The following HLCS variants were observed in gnomAD, a reference collection of about 807,000 sequenced individuals.
HLCS encodes the protein holocarboxylase synthetase.
HLCS carries 53 observed loss-of-function variants against 75.0 expected under a neutral mutation model. The ratio of observed to expected loss-of-function variants is 0.71; its 90% CI spans 0.57 to 0.89. The LOEUF (loss-of-function observed/expected upper bound fraction) is 0.89, where lower values mean the gene tolerates loss of function less well. HLCS is among the 40% of genes least tolerant of loss of function. HLCS has a pLI of 0.00. For missense variants in HLCS, 966 were observed against 1,074.0 expected, an observed-to-expected ratio of 0.90 and a Z score of 1.41; for synonymous variants, 431 against 428.6, an observed-to-expected ratio of 1.01 and a Z score of -0.07.
intron 6 of HLCS, among the ~76,000 whole-genome samples, chr21:36,806,788 T>G (rs2061374329): frequency 6.6e-6 from 1 of 152,180 alleles, no homozygotes; most frequent in African/African-American, 2.4e-5. Context: ...CGAGACAACT[T>G]AAGAAACCCA....
intron 6 of HLCS, among the ~76,000 whole-genome samples, chr21:36,868,347 A>T (rs1431894894): frequency 6.6e-6 from 1 of 151,410 alleles, no homozygotes; most frequent in Non-Finnish European, 1.5e-5. Flanking sequence ...AAAGACTTGA[A>T]AAAGCAGATC....
intron 5 of HLCS, among the ~76,000 whole-genome samples, 155 bp from the exon 6 acceptor site, chr21:36,897,286 G>A (rs917034709): frequency 6.6e-6 from 1 of 152,080 alleles, no homozygotes; most frequent in Non-Finnish European, 1.5e-5. Flanking sequence ...TAAACGATTA[G>A]ACAATATGAT....
intron 6 of HLCS, among the ~76,000 whole-genome samples, chr21:36,789,218 C>A (rs1438019726): frequency 6.6e-6 from 1 of 152,048 alleles, no homozygotes; most frequent in African/African-American, 2.4e-5. Context: ...CCATGCCTGG[C>A]TAATTTTTAA....
chr21:36,833,345 G>C (rs2062282034), intron 6 of HLCS, among the ~76,000 whole-genome samples: 1 of 151,202 alleles, frequency 6.6e-6, no homozygotes, highest in African/African-American at 2.4e-5. Context: ...AGCACTTTGG[G>C]AGGCCAAGGT....
chr21:36,789,254 T>C (rs942744625), intron 6 of HLCS, among the ~76,000 whole-genome samples: 2 of 152,192 alleles, frequency 1.3e-5, no homozygotes, highest in Admixed American at 6.5e-5. Context: ...AGGGTCTTGC[T>C]ATGTTGCCCA....
intron 5 of HLCS, among the ~76,000 whole-genome samples, chr21:36,902,775 A>G (rs376738037): frequency 2.6e-5 from 4 of 152,334 alleles, no homozygotes; most frequent in African/African-American, 9.6e-5. Flanking sequence ...GGGCAGCTGG[A>G]AGCATTTGAG....
At chr21:36,848,905 T>C (rs1217388456) in intron 6 of HLCS, among the ~76,000 whole-genome samples, 1 of 152,022 alleles carries the variant, frequency 6.6e-6, no homozygotes, top group Non-Finnish European at 1.5e-5. Flanking sequence ...TGAGAAGGCT[T>C]CTAAAAATAA....
chr21:36,959,478 T>C (rs2068159131), intron 2 of HLCS, among the ~76,000 whole-genome samples: 1 of 152,150 alleles, frequency 6.6e-6, no homozygotes, highest in African/African-American at 2.4e-5. Flanking sequence ...GACAGGCTCA[T>C]AGGTAGAAAG....
At chr21:36,924,130 C>T (rs1334579857) in intron 5 of HLCS, among the ~76,000 whole-genome samples, 1 of 152,178 alleles carries the variant, frequency 6.6e-6, no homozygotes, top group Non-Finnish European at 1.5e-5. Context: ...ATGCCCAAAG[C>T]TTCGCCCTAT....
At chr21:36,803,603 G>A (rs182934807) in intron 6 of HLCS, among the ~76,000 whole-genome samples, 37 of 152,004 alleles carry the variant, frequency 2.4e-4, no homozygotes, top group African/African-American at 7.5e-4. Context: ...GAAGTATCCC[G>A]CAACTGATTT....
At chr21:36,985,761 G>A (rs950503325) in intron 1 of HLCS, among the ~76,000 whole-genome samples, 1 of 145,342 alleles carries the variant, frequency 6.9e-6, no homozygotes, top group Non-Finnish European at 1.5e-5. Flanking sequence ...GTGAGACTTG[G>A]TCTTGGGGAA....
At chr21:36,888,996 C>G (rs1166400366) in intron 6 of HLCS, among the ~76,000 whole-genome samples, 2 of 152,170 alleles carry the variant, frequency 1.3e-5, no homozygotes, top group Admixed American at 6.5e-5. Flanking sequence ...GTGTACACAA[C>G]TTTACAAACT....
intron 6 of HLCS, among the ~76,000 whole-genome samples, chr21:36,816,415 C>T (rs762266392): frequency 6.6e-5 from 10 of 151,436 alleles, no homozygotes; most frequent in African/African-American, 2.4e-4. Context: ...AAAAATGTGA[C>T]TGTCACTAGG....
At chr21:36,786,540 G>A (rs1048958233) in intron 6 of HLCS, among the ~76,000 whole-genome samples, 37 of 152,098 alleles carry the variant, frequency 2.4e-4, no homozygotes, top group African/African-American at 8.2e-4. Context: ...AGGAAGGGGT[G>A]GAGAAGGAAA....
intron 1 of HLCS, among the ~76,000 whole-genome samples, chr21:36,965,193 C>CTG (rs1320547553): frequency 6.6e-6 from 1 of 152,148 alleles, no homozygotes; most frequent in Admixed American, 6.5e-5. Context: ...ATGTTCAAAC[C>CTG]TGAGATAAGA....
intron 6 of HLCS, among the ~76,000 whole-genome samples, chr21:36,870,359 T>C (rs1300244628): frequency 6.6e-6 from 1 of 152,232 alleles, no homozygotes; most frequent in Non-Finnish European, 1.5e-5. Flanking sequence ...TGATACGGTC[T>C]TAACAGTCAC....
In HLCS at chr21:36,786,044, C is replaced by G. The variant is rs181625178; in HGVS notation, c.1893-18759G>C. ...TGGTGGGATGGGCTGTATCCTCAAC[C>G]CTGTTTCAACAGGGACACTTCTGCT... On this transcript the variant is annotated intron_variant, in intron 6 of 10. Transcript: ENST00000674895. Among the ~76,000 whole-genome samples the G allele has an allele frequency of 4.4e-3, 677 of 152,224 alleles. 5 individuals are homozygous for G. Among genetic ancestry groups the G allele is most frequent in the Non-Finnish European group, 7.3e-3 (494 of 68,008 alleles).
upstream of HLCS, chr21:36,971,623 G>C (rs960998500): frequency 6.6e-6 from 1 of 152,102 alleles, no homozygotes; most frequent in Non-Finnish European, 1.5e-5. Context: ...GAAATCAAGA[G>C]TTCAAGACCA....
Position 36,752,261 on chromosome 21 carries a change from C to T in HLCS, c.*1985G>A, listed in dbSNP as rs2089398019. 1.3e-5 allele frequency: 2 copies of T among 152,638 alleles called. No homozygotes were observed. The highest frequency in any genetic ancestry group is 3.9e-4 in the East Asian group (2 of 5,194). 9.5% of individuals were successfully genotyped at this position (152,638 alleles called of 1,614,324 possible). On this transcript the variant is annotated 3_prime_UTR_variant, in exon 11 of 11. Transcript: ENST00000674895. ...AGTATGCCCGGAACATCTCCATAGC[C>T]TTTGACAAGGCCACACTTCATTAGT...
Sources: gnomAD v4.1 joint callset for allele counts (sites outside exome capture counted in the v4.1 genomes callset) on GRCh38, gnomAD v4.1.1 for gene constraint, MANE v1.5 for transcripts, NCBI Gene and HGNC (gene_info 2026-07-23, HGNC 2026-07-21) for gene names.